The following DLG2 variants were observed in gnomAD, a reference collection of about 807,000 sequenced individuals.
DLG2 encodes disks large homolog 2.
Under a neutral mutation model 132.5 loss-of-function variants are expected in DLG2, and 45 were observed. That is an observed-to-expected ratio of 0.34 (90% CI 0.27 to 0.44). The LOEUF (loss-of-function observed/expected upper bound fraction) is 0.44. Among genes scored for constraint, DLG2 ranks in the 20% least tolerant of loss-of-function variants. The pLI is 1.00. For synonymous variants in DLG2, 424 were observed against 419.6 expected, an observed-to-expected ratio of 1.01 and a Z score of -0.13; for missense variants, 1,045 against 1,196.9, an observed-to-expected ratio of 0.87 and a Z score of 1.87.
chr11:83,669,773 A>G (rs2076523597), intron 18 of DLG2, among the ~76,000 whole-genome samples: 2 of 152,208 alleles, frequency 1.3e-5, no homozygotes, highest in South Asian at 4.1e-4. Flanking sequence ...GCTATCATGT[A>G]TTTCTCTGCA....
intron 6 of DLG2, among the ~76,000 whole-genome samples, chr11:84,968,323 G>T (rs1277347063): frequency 6.6e-6 from 1 of 152,080 alleles, no homozygotes; most frequent in Non-Finnish European, 1.5e-5. Context: ...GAATGGAGGA[G>T]AATATAACAG....
chr11:84,752,092 G>T (rs534215454), intron 6 of DLG2, among the ~76,000 whole-genome samples: 2 of 152,280 alleles, frequency 1.3e-5, no homozygotes, highest in South Asian at 4.2e-4. Flanking sequence ...TCAGTGAAAA[G>T]GCCATCTTAT....
chr11:85,196,639 G>A (rs992841968), intron 4 of DLG2, among the ~76,000 whole-genome samples: 3 of 152,218 alleles, frequency 2.0e-5, no homozygotes, highest in African/African-American at 7.2e-5. Flanking sequence ...ACACTGCTGG[G>A]ACCAGGGTTG....
chr11:84,781,077 G>GTGTGTA (rs2071685592), intron 6 of DLG2, among the ~76,000 whole-genome samples: 1 of 150,726 alleles, frequency 6.6e-6, no homozygotes, highest in Non-Finnish European at 1.5e-5. Flanking sequence ...GTGTGTGTGT[G>GTGTGTA]TGTGTGTGTG....
chr11:84,786,845 A>G (rs1447236828), intron 6 of DLG2, among the ~76,000 whole-genome samples: 1 of 152,216 alleles, frequency 6.6e-6, no homozygotes. Flanking sequence ...TCAGAAAGAT[A>G]GGCAAAGCTC....
intron 5 of DLG2, among the ~76,000 whole-genome samples, chr11:85,152,624 T>C (rs1371237441): frequency 6.6e-6 from 1 of 152,196 alleles, no homozygotes; most frequent in Admixed American, 6.5e-5. Flanking sequence ...TCACTTTAGA[T>C]TAGGGTTTAG....
intron 6 of DLG2, among the ~76,000 whole-genome samples, chr11:84,610,723 AT>A (rs1177383679): frequency 6.6e-6 from 1 of 151,988 alleles, no homozygotes; most frequent in Admixed American, 6.6e-5. Context: ...GCTTCAGCCT[AT>A]TCATCTTTTC....
intron 3 of DLG2, among the ~76,000 whole-genome samples, chr11:85,484,346 C>G (rs2093376669): frequency 6.7e-6 from 1 of 149,262 alleles, no homozygotes; most frequent in African/African-American, 2.5e-5. Flanking sequence ...CCAAAATTGA[C>G]AAATGGGATC....
chr11:85,480,271 G>C (rs2093255349), intron 3 of DLG2, among the ~76,000 whole-genome samples: 1 of 152,148 alleles, frequency 6.6e-6, no homozygotes, highest in African/African-American at 2.4e-5. Flanking sequence ...AGAAACACTG[G>C]CAAATGTGAC....
intron 18 of DLG2, among the ~76,000 whole-genome samples, chr11:83,717,259 T>C (rs529943430): frequency 1.4e-4 from 22 of 152,328 alleles, no homozygotes; most frequent in African/African-American, 5.1e-4. Flanking sequence ...AGCAACACTC[T>C]GCAAGTTTAA....
chr11:83,864,282 T>C (rs955606887), intron 16 of DLG2, among the ~76,000 whole-genome samples: 6 of 152,228 alleles, frequency 3.9e-5, no homozygotes, highest in South Asian at 2.1e-4. Flanking sequence ...TCACACTGAA[T>C]TACTATAATT....
intron 7 of DLG2, among the ~76,000 whole-genome samples, chr11:84,523,282 C>T (rs998057758): frequency 2.6e-5 from 4 of 152,088 alleles, no homozygotes; most frequent in Non-Finnish European, 5.9e-5. Context: ...ATCTTTACAG[C>T]ATGGAATGTG....
intron 7 of DLG2, among the ~76,000 whole-genome samples, chr11:84,313,492 GA>G (rs1345474940): frequency 9.9e-6 from 1 of 100,656 alleles, no homozygotes; most frequent in Non-Finnish European, 2.0e-5. Flanking sequence ...GTCAAAGAAA[GA>G]AAGAAAGAAA....
At chr11:85,286,766 C>A (rs1302058869) in intron 3 of DLG2, among the ~76,000 whole-genome samples, 1 of 152,040 alleles carries the variant, frequency 6.6e-6, no homozygotes, top group African/African-American at 2.4e-5. Context: ...ACCCAGAGCC[C>A]AGATCTTGGT....
chr11:85,019,171 G>C (rs2059820195), intron 6 of DLG2, among the ~76,000 whole-genome samples: 2 of 152,148 alleles, frequency 1.3e-5, no homozygotes, highest in African/African-American at 4.8e-5. Flanking sequence ...TTACTTTGGA[G>C]ACAGTTGATG....
chr11:84,464,950 G>A (rs1049202501), intron 7 of DLG2, among the ~76,000 whole-genome samples: 12 of 151,180 alleles, frequency 7.9e-5, no homozygotes, highest in South Asian at 4.2e-4. Context: ...AAAAAAATCC[G>A]TTATAGGTCA....
At chr11:85,116,409 A>G (rs635432) in intron 5 of DLG2, among the ~76,000 whole-genome samples, 108,613 of 151,666 alleles carry the variant, frequency 0.72, 39,764 homozygotes, top group East Asian at 0.88. Flanking sequence ...GATATAATAT[A>G]TATCTATATT....
chr11:83,861,588 A>G (rs1282897372), intron 16 of DLG2, among the ~76,000 whole-genome samples: 1 of 152,176 alleles, frequency 6.6e-6, no homozygotes, highest in African/African-American at 2.4e-5. Flanking sequence ...AAAACTGGAG[A>G]TCATTATATT....
chr11:83,642,985 C>A (rs1004942663), intron 18 of DLG2, among the ~76,000 whole-genome samples: 2 of 151,806 alleles, frequency 1.3e-5, no homozygotes, highest in Admixed American at 6.6e-5. Flanking sequence ...TAAAAAAAAA[C>A]CGTGAAGCTC....
Sources: allele counts gnomAD v4.1 joint callset (sites outside exome capture counted in the v4.1 genomes callset), GRCh38; gene constraint gnomAD v4.1.1; transcripts MANE v1.5; gene names NCBI Gene and HGNC (gene_info 2026-07-23, HGNC 2026-07-21).